The following GLRA2 variants were observed in gnomAD, a reference collection of about 807,000 sequenced individuals.
GLRA2 encodes glycine receptor alpha 2, also known as glycine receptor subunit alpha-2.
GLRA2 carries 11 observed loss-of-function variants against 31.6 expected under a neutral mutation model. That is an observed-to-expected ratio of 0.35 (90% CI 0.22 to 0.58). The LOEUF is 0.58. Ranked by LOEUF, GLRA2 falls within the 20% of genes least tolerant of loss-of-function variation. The probability of loss-of-function intolerance (pLI) is 0.84; values close to 1 mark genes in which losing one functional copy is unlikely to be tolerated. For synonymous variants in GLRA2, 132 were observed against 134.0 expected (o/e 0.99, Z 0.10); for missense variants, 212 against 351.8 (o/e 0.60, Z 3.18).
chrX:14,621,938 CT>C (rs1207083272), intron 7 of GLRA2, among the ~76,000 whole-genome samples: 1 of 112,232 alleles, frequency 8.9e-6, no homozygotes, highest in Non-Finnish European at 1.9e-5. Flanking sequence ...AATCGCCACA[CT>C]GTCTTCCACA....
chrX:14,620,923 C>A (rs1390903314), intron 7 of GLRA2, among the ~76,000 whole-genome samples: 1 of 111,575 alleles, frequency 9.0e-6, no homozygotes, highest in Non-Finnish European at 1.9e-5. Flanking sequence ...CTCTTCCTTA[C>A]TTCCACGACG....
chrX:14,569,652 T>C (rs1177193225), intron 2 of GLRA2, among the ~76,000 whole-genome samples: 4 of 112,582 alleles, frequency 3.6e-5, no homozygotes, highest in Admixed American at 9.4e-5. Flanking sequence ...CTCTCACACA[T>C]TGCTTGTGAC....
chrX:14,712,690 G>A (rs914401624), intron 8 of GLRA2, among the ~76,000 whole-genome samples: 1 of 106,881 alleles, frequency 9.4e-6, no homozygotes, highest in South Asian at 4.2e-4. Flanking sequence ...AACTGGGGGG[G>A]TTAAGGTCTA....
intron 8 of GLRA2, among the ~76,000 whole-genome samples, chrX:14,724,303 A>G (rs769361557): frequency 9.0e-6 from 1 of 111,181 alleles, no homozygotes; most frequent in East Asian, 2.8e-4. Flanking sequence ...CCTGGCACAT[A>G]ATAGGTACTC....
At chrX:14,454,884 T>G in the GLRA2 span, among the ~76,000 whole-genome samples, 1 of 112,486 alleles carries the variant, frequency 8.9e-6, no homozygotes, top group Non-Finnish European at 1.9e-5. Flanking sequence ...TAAACAAAAT[T>G]GAAGTTTTAA....
chrX:14,479,774 T>C, the GLRA2 span, among the ~76,000 whole-genome samples: 1 of 111,865 alleles, frequency 8.9e-6, no homozygotes, highest in African/African-American at 3.2e-5. Flanking sequence ...CAGTCCACTA[T>C]TGATGGGAAC....
At chrX:14,682,988 G>A (rs1008802271) in intron 7 of GLRA2, among the ~76,000 whole-genome samples, 21 of 111,426 alleles carry the variant, frequency 1.9e-4, no homozygotes, top group Non-Finnish European at 3.4e-4. Context: ...CTTTGCTATT[G>A]TGAATAGTGC....
At chrX:14,673,246 G>A (rs1166098099) in intron 7 of GLRA2, among the ~76,000 whole-genome samples, 1 of 111,534 alleles carries the variant, frequency 9.0e-6, no homozygotes. Flanking sequence ...GTATCCTGGA[G>A]TTATCACAAG....
At chrX:14,560,751 T>C (rs1484618357) in intron 2 of GLRA2, among the ~76,000 whole-genome samples, 2 of 93,179 alleles carry the variant, frequency 2.1e-5, no homozygotes, top group African/African-American at 8.6e-5. Flanking sequence ...TGAGCTGTGA[T>C]AGTGCCACTG....
At chrX:14,518,163 T>C in the GLRA2 span, among the ~76,000 whole-genome samples, 2 of 112,020 alleles carry the variant, frequency 1.8e-5, no homozygotes, top group Non-Finnish European at 3.8e-5. Context: ...GAGATACTAT[T>C]TAACATTGTC....
intron 7 of GLRA2, among the ~76,000 whole-genome samples, chrX:14,628,794 G>A (rs1305365081): frequency 2.7e-5 from 3 of 111,536 alleles, no homozygotes; most frequent in Non-Finnish European, 5.7e-5. Flanking sequence ...CAAACAGGGA[G>A]GCACATAGGT....
intron 4 of GLRA2, among the ~76,000 whole-genome samples, chrX:14,601,329 G>A (rs973466578): frequency 9.0e-6 from 1 of 111,593 alleles, no homozygotes; most frequent in African/African-American, 3.2e-5. Flanking sequence ...GTGAAATGCT[G>A]TAGGTTTGTG....
At chrX:14,522,419 C>T in the GLRA2 span, among the ~76,000 whole-genome samples, 3 of 112,008 alleles carry the variant, frequency 2.7e-5, no homozygotes, top group Admixed American at 2.8e-4. Flanking sequence ...CAAAGTCATC[C>T]ATGATGGTTG....
At chrX:14,458,563 T>C in the GLRA2 span, among the ~76,000 whole-genome samples, 10 of 112,361 alleles carry the variant, frequency 8.9e-5, no homozygotes, top group Middle Eastern at 4.6e-3. Context: ...TGGTCGCCAT[T>C]CTAACTGGTG....
intron 7 of GLRA2, among the ~76,000 whole-genome samples, chrX:14,623,260 G>A (rs1458106747): frequency 9.0e-6 from 1 of 111,631 alleles, no homozygotes; most frequent in Non-Finnish European, 1.9e-5. Context: ...CTGAGACAAT[G>A]GGGTTTTCTA....
chrX:14,614,362 A>G (rs1601766638), intron 7 of GLRA2, among the ~76,000 whole-genome samples: 2 of 111,509 alleles, frequency 1.8e-5, no homozygotes, highest in South Asian at 7.6e-4. Context: ...TTTCCAGATG[A>G]ATAATGTATT....
At chrX:14,625,364 T>G (rs1266984554) in intron 7 of GLRA2, among the ~76,000 whole-genome samples, 1 of 111,453 alleles carries the variant, frequency 9.0e-6, no homozygotes, top group East Asian at 2.8e-4. Context: ...GTTAATATTG[T>G]TATGTGTGAA....
chrX:14,669,480 ACAT>A (rs2091068755), intron 7 of GLRA2, among the ~76,000 whole-genome samples: 1 of 111,415 alleles, frequency 9.0e-6, no homozygotes, highest in Non-Finnish European at 1.9e-5. Flanking sequence ...CTCCATGAGA[ACAT>A]CAACCCTACA....
rs971425922 is a variant in GLRA2, at chrX:14,615,834, T to C, written c.930+6629T>C. 1.4e-4 allele frequency among the ~76,000 whole-genome samples: 16 copies of C among 112,114 alleles called. 1 individual carries two copies. Among genetic ancestry groups the C allele is most frequent in the African/African-American group, 5.2e-4 (16 of 30,895 alleles). ...GTTTATTGATTCCAAGTTAATTTCC[T>C]ATCTTCCTGCCAACCAATACTTTTT... On this transcript the variant is annotated intron_variant, in intron 7 of 8. Transcript: ENST00000218075.
Sources: allele counts gnomAD v4.1 joint callset (sites outside exome capture counted in the v4.1 genomes callset), GRCh38; gene constraint gnomAD v4.1.1; transcripts MANE v1.5; gene names NCBI Gene and HGNC (gene_info 2026-07-23, HGNC 2026-07-21).